The following SLC9A9 variants were observed in gnomAD, a reference collection of about 807,000 sequenced individuals.
SLC9A9 encodes the protein sodium/hydrogen exchanger 9.
Under a neutral mutation model 77.8 loss-of-function variants are expected in SLC9A9, and 62 were observed. That is an observed-to-expected ratio of 0.80 (90% CI 0.65 to 0.98). The LOEUF is 0.98. SLC9A9 is among the 50% of genes least tolerant of loss of function. The pLI is 0.00. For synonymous variants in SLC9A9, 320 were observed against 283.5 expected, an observed-to-expected ratio of 1.13 and a Z score of -1.29; for missense variants, 775 against 774.9, an observed-to-expected ratio of 1.00 and a Z score of 0.00.
intron 2 of SLC9A9, among the ~76,000 whole-genome samples, chr3:143,828,291 C>T (rs1206894057): frequency 7.2e-5 from 11 of 152,130 alleles, no homozygotes; most frequent in Non-Finnish European, 1.6e-4. Context: ...TTTCTCTAGC[C>T]ATATGTGCTC....
At chr3:143,452,781 C>T (rs370543956) in intron 12 of SLC9A9, among the ~76,000 whole-genome samples, 1 of 151,560 alleles carries the variant, frequency 6.6e-6, no homozygotes, top group East Asian at 1.9e-4. Context: ...AGAGAATGTC[C>T]TTATTTCTAG....
intron 8 of SLC9A9, among the ~76,000 whole-genome samples, chr3:143,556,070 A>G (rs538839727): frequency 6.6e-6 from 1 of 152,374 alleles, no homozygotes; most frequent in Non-Finnish European, 1.5e-5. Flanking sequence ...TCTATTATCT[A>G]TAAAATTCTC....
intron 2 of SLC9A9, among the ~76,000 whole-genome samples, chr3:143,813,078 G>A (rs1354620645): frequency 6.6e-6 from 1 of 152,048 alleles, no homozygotes; most frequent in African/African-American, 2.4e-5. Flanking sequence ...TCTGTGTACC[G>A]AGTAAGGGAC....
intron 14 of SLC9A9, among the ~76,000 whole-genome samples, chr3:143,286,229 A>G (rs1249140617): frequency 6.6e-6 from 1 of 152,096 alleles, no homozygotes; most frequent in Non-Finnish European, 1.5e-5. Flanking sequence ...AGTGCTTTCG[A>G]AGGAGGGTAT....
chr3:143,283,917 G>A (rs73868712), intron 14 of SLC9A9, among the ~76,000 whole-genome samples: 5,209 of 152,128 alleles, frequency 0.034, 101 homozygotes, highest in South Asian at 0.062. Flanking sequence ...ATGATCCTTT[G>A]GTTAAATAAA....
chr3:143,708,574 C>T (rs186541924), intron 4 of SLC9A9, among the ~76,000 whole-genome samples: 2 of 152,196 alleles, frequency 1.3e-5, no homozygotes, highest in Non-Finnish European at 2.9e-5. Context: ...TTCTCTCAAC[C>T]TGTATCCCCA....
At chr3:143,397,970 A>AT (rs1330011080) in intron 12 of SLC9A9, among the ~76,000 whole-genome samples, 3 of 152,214 alleles carry the variant, frequency 2.0e-5, no homozygotes, top group Non-Finnish European at 2.9e-5. Flanking sequence ...CAAAGCAAAT[A>AT]TTTTTGTGGA....
chr3:143,685,394 A>T (rs1387740879), intron 5 of SLC9A9, among the ~76,000 whole-genome samples: 1 of 152,096 alleles, frequency 6.6e-6, no homozygotes, highest in Admixed American at 6.6e-5. Flanking sequence ...AATGTGCCCT[A>T]TCTAATGTTA....
intron 9 of SLC9A9, among the ~76,000 whole-genome samples, chr3:143,548,040 G>A (rs551650306): frequency 1.3e-5 from 2 of 152,352 alleles, no homozygotes; most frequent in South Asian, 4.1e-4. Context: ...AAGGTAAGTA[G>A]AAAGTAAATG....
rs1173873605 is a variant in SLC9A9 at position 143,349,882 on chromosome 3, C to T, written c.1604+13602G>A. 2.6e-5 allele frequency among the ~76,000 whole-genome samples: 4 copies of T among 152,274 alleles called. No individual in the cohort carries two copies. The East Asian group carries it at 7.7e-4, about 29-fold the overall frequency. On this transcript the variant is annotated intron_variant, in intron 14 of 15. Transcript: ENST00000316549. ...AGGATATTAATTGTAGAGCATCCCC[C>T]TATGAGAGAGCCACTCAGAGAAAAA...
chr3:143,697,162 AAC>A (rs1933665813), intron 4 of SLC9A9, among the ~76,000 whole-genome samples: 1 of 151,734 alleles, frequency 6.6e-6, no homozygotes, highest in Non-Finnish European at 1.5e-5. Flanking sequence ...ATAAATTGAT[AAC>A]ACAAATTATA....
chr3:143,636,959 C>G (rs1269765433), intron 6 of SLC9A9, among the ~76,000 whole-genome samples: 1 of 152,142 alleles, frequency 6.6e-6, no homozygotes, highest in Non-Finnish European at 1.5e-5. Context: ...ACATATGCAA[C>G]AGTCACACTT....
At chr3:143,758,103 G>A (rs1440316459) in intron 4 of SLC9A9, among the ~76,000 whole-genome samples, 3 of 152,116 alleles carry the variant, frequency 2.0e-5, no homozygotes, top group Admixed American at 2.0e-4. Context: ...CTAAATAAAG[G>A]TAAAATCCCG....
intron 12 of SLC9A9, among the ~76,000 whole-genome samples, chr3:143,464,386 A>G (rs1294613678): frequency 6.6e-6 from 1 of 152,232 alleles, no homozygotes; most frequent in Non-Finnish European, 1.5e-5. Flanking sequence ...GGAGCATATG[A>G]TGGTATCACT....
chr3:143,709,086 A>G (rs7609691), intron 4 of SLC9A9, among the ~76,000 whole-genome samples: 19,906 of 152,186 alleles, frequency 0.13, 1,443 homozygotes, highest in South Asian at 0.19. Flanking sequence ...ACCACCAAAC[A>G]TAAATGAGTA....
intron 6 of SLC9A9, among the ~76,000 whole-genome samples, chr3:143,626,209 G>A (rs374752812): frequency 2.0e-5 from 3 of 152,216 alleles, no homozygotes; most frequent in African/African-American, 4.8e-5. Context: ...TCAGTGTGGC[G>A]ATTCCTCAGG....
intron 14 of SLC9A9, among the ~76,000 whole-genome samples, chr3:143,326,024 G>A (rs192795464): frequency 2.6e-5 from 4 of 152,200 alleles, no homozygotes; most frequent in African/African-American, 4.8e-5. Context: ...AGTGCTCTGC[G>A]AAAACTTTAT....
intron 12 of SLC9A9, among the ~76,000 whole-genome samples, chr3:143,450,871 C>T (rs753706408): frequency 7.2e-5 from 11 of 152,130 alleles, no homozygotes; most frequent in Non-Finnish European, 1.2e-4. Context: ...GCTCAGCCAA[C>T]CCACTCCCAG....
chr3:143,548,814 C>G (rs1410703063), intron 9 of SLC9A9, among the ~76,000 whole-genome samples: 1 of 152,170 alleles, frequency 6.6e-6, no homozygotes, highest in Non-Finnish European at 1.5e-5. Flanking sequence ...ATTCTTCAAG[C>G]TATAAAGAAT....
Sources: gnomAD v4.1 joint callset for allele counts (sites outside exome capture counted in the v4.1 genomes callset) on GRCh38, gnomAD v4.1.1 for gene constraint, MANE v1.5 for transcripts, NCBI Gene and HGNC (gene_info 2026-07-23, HGNC 2026-07-21) for gene names.